The following RBFOX2 variants were observed in gnomAD, a reference collection of about 807,000 sequenced individuals.
RBFOX2 encodes the protein RNA binding fox-1 homolog 2.
RBFOX2 carries 10 observed loss-of-function variants against 49.1 expected under a neutral mutation model. The observed-to-expected ratio is 0.20, with a 90% CI of 0.13 to 0.35. RBFOX2 has a LOEUF of 0.35. RBFOX2 is among the 10% of genes least tolerant of loss of function. The probability of loss-of-function intolerance (pLI) is 1.00; values close to 1 mark genes in which losing one functional copy is unlikely to be tolerated. For missense variants in RBFOX2, 323 were observed against 486.9 expected, an observed-to-expected ratio of 0.66 and a Z score of 3.17; for synonymous variants, 183 against 187.4, an observed-to-expected ratio of 0.98 and a Z score of 0.19.
At chr22:35,814,505 T>C (rs1369267507) in intron 1 of RBFOX2, among the ~76,000 whole-genome samples, 1 of 151,748 alleles carries the variant, frequency 6.6e-6, no homozygotes, top group Non-Finnish European at 1.5e-5. Context: ...GCCCAGGAGT[T>C]TGAGACCAAC....
exon 12 of RBFOX2, chr22:35,740,401 A>T (rs541941065): frequency 3.3e-5 from 5 of 152,796 alleles, no homozygotes; most frequent in African/African-American, 1.2e-4. Flanking sequence ...AAACATTTTC[A>T]AGAGCATGAC....
At chr22:35,891,822 A>T (rs1603441169) in intron 1 of RBFOX2, among the ~76,000 whole-genome samples, 1 of 152,082 alleles carries the variant, frequency 6.6e-6, no homozygotes, top group East Asian at 1.9e-4. Context: ...AAATGACATA[A>T]TGAATGCTTA....
chr22:35,886,600 A>C (rs2149335526), intron 1 of RBFOX2, among the ~76,000 whole-genome samples: 1 of 152,326 alleles, frequency 6.6e-6, no homozygotes, highest in African/African-American at 2.4e-5. Context: ...AAACATGTAC[A>C]GCAGGTGACT....
intron 1 of RBFOX2, among the ~76,000 whole-genome samples, chr22:35,925,471 C>G (rs142117164): frequency 4.6e-4 from 70 of 152,248 alleles, no homozygotes; most frequent in African/African-American, 1.7e-3. Flanking sequence ...GAGTTCGAGG[C>G]TCCGCCACTG....
At chr22:35,845,334 T>C (rs1260086762), upstream of RBFOX2, among the ~76,000 whole-genome samples, 1 of 152,114 alleles carries the variant, frequency 6.6e-6, no homozygotes, top group Non-Finnish European at 1.5e-5. Flanking sequence ...AACTCTATTA[T>C]TTCCCTAACT....
intron 11 of RBFOX2, among the ~76,000 whole-genome samples, chr22:35,744,668 G>A (rs1166242776): frequency 6.6e-6 from 1 of 152,168 alleles, no homozygotes; most frequent in Admixed American, 6.5e-5. Flanking sequence ...GGCAGTGCAC[G>A]TTACTTCTGA....
chr22:35,764,584 C>CAAAAAA (rs1176043873), intron 6 of RBFOX2, among the ~76,000 whole-genome samples: 1 of 60,762 alleles, frequency 1.6e-5, no homozygotes, highest in Non-Finnish European at 3.5e-5. Context: ...GACTCCGTCT[C>CAAAAAA]AAAAAAAAAA....
intron 1 of RBFOX2, among the ~76,000 whole-genome samples, chr22:35,839,207 T>A (rs1958257088): frequency 6.6e-6 from 1 of 152,218 alleles, no homozygotes; most frequent in Non-Finnish European, 1.5e-5. Context: ...GCCTCATCAT[T>A]TCCTCTTAAC....
chr22:35,934,154 C>T (rs1488427202), intron 1 of RBFOX2, among the ~76,000 whole-genome samples: 2 of 150,440 alleles, frequency 1.3e-5, no homozygotes, highest in East Asian at 1.9e-4. Context: ...TCATCAAGAC[C>T]GTGTTCCTCT....
chr22:35,846,934 C>T (rs1368072276), intron 1 of RBFOX2, among the ~76,000 whole-genome samples: 1 of 152,104 alleles, frequency 6.6e-6, no homozygotes, highest in Non-Finnish European at 1.5e-5. Flanking sequence ...ACTTGGATGA[C>T]AGGTTAAGTA....
chr22:35,785,724 T>C (rs1337873168), intron 2 of RBFOX2, among the ~76,000 whole-genome samples: 2 of 152,236 alleles, frequency 1.3e-5, no homozygotes, highest in Non-Finnish European at 1.5e-5. Context: ...AAATGTGCAA[T>C]GATTCATGTG....
chr22:35,888,211 C>T (rs2046825555), intron 1 of RBFOX2, among the ~76,000 whole-genome samples: 2 of 152,144 alleles, frequency 1.3e-5, no homozygotes, highest in African/African-American at 4.8e-5. Context: ...TTTATGATCA[C>T]AAATCTTAGG....
chr22:35,775,841 CAAAAAAAAA>C (rs753116056), intron 4 of RBFOX2, among the ~76,000 whole-genome samples: 2 of 56,178 alleles, frequency 3.6e-5, no homozygotes, highest in East Asian at 4.9e-4. Flanking sequence ...GAATCTGCCT[CAAAAAAAAA>C]AAAAAAAAAA....
intron 1 of RBFOX2, among the ~76,000 whole-genome samples, chr22:35,930,885 A>C (rs1230628181): frequency 6.6e-6 from 1 of 152,204 alleles, no homozygotes; most frequent in East Asian, 1.9e-4. Flanking sequence ...CAACAGTAGG[A>C]AGCCAAAGAA....
intron 1 of RBFOX2, among the ~76,000 whole-genome samples, chr22:35,893,233 T>C (rs2047459150): frequency 6.6e-6 from 1 of 152,160 alleles, no homozygotes; most frequent in Admixed American, 6.5e-5. Context: ...CCAAGGGTTG[T>C]GGGGTATAGT....
intron 1 of RBFOX2, among the ~76,000 whole-genome samples, chr22:35,818,839 A>C (rs1953782874): frequency 6.6e-6 from 1 of 152,178 alleles, no homozygotes. Context: ...CAAATAAAAC[A>C]CTGGCAAAGT....
chr22:35,823,710 G>T (rs551095150), intron 1 of RBFOX2, among the ~76,000 whole-genome samples: 1 of 152,258 alleles, frequency 6.6e-6, no homozygotes, highest in Non-Finnish European at 1.5e-5. Context: ...TTAAGAACTC[G>T]AAGATTTATT....
chr22:35,852,530 T>C (rs188798423), intron 1 of RBFOX2, among the ~76,000 whole-genome samples: 165 of 151,860 alleles, frequency 1.1e-3, no homozygotes, highest in Non-Finnish European at 1.6e-3. Context: ...TAAAACCTTA[T>C]GCTAAATTTC....
intron 1 of RBFOX2, among the ~76,000 whole-genome samples, chr22:35,869,903 C>A (rs926314036): frequency 2.0e-5 from 3 of 152,120 alleles, no homozygotes; most frequent in Admixed American, 6.5e-5. Context: ...TTTCATCAAC[C>A]CAGAATAGCA....
Sources: allele counts gnomAD v4.1 joint callset (sites outside exome capture counted in the v4.1 genomes callset), GRCh38; gene constraint gnomAD v4.1.1; transcripts MANE v1.5; gene names NCBI Gene and HGNC (gene_info 2026-07-23, HGNC 2026-07-21).